ZNF280D: variants seen among roughly 807,000 people sequenced by gnomAD.
ZNF280D encodes the protein zinc finger protein 280D, also known as suppressor of hairy wing homolog 4.
A neutral mutation model predicts 94.7 loss-of-function variants in ZNF280D; 39 were observed. The ratio of observed to expected loss-of-function variants is 0.41; its 90% confidence interval spans 0.32 to 0.54. The LOEUF is 0.54. ZNF280D is among the 20% of genes least tolerant of loss of function. ZNF280D has a pLI of 0.22. For missense variants in ZNF280D, 1,090 were observed against 1,149.3 expected, an observed-to-expected ratio of 0.95 and a Z score of 0.75; for synonymous variants, 398 against 377.6, an observed-to-expected ratio of 1.05 and a Z score of -0.63.
intron 13 of ZNF280D, among the ~76,000 whole-genome samples, chr15:56,674,731 T>C (rs1248336087): frequency 6.6e-6 from 1 of 152,130 alleles, no homozygotes; most frequent in Non-Finnish European, 1.5e-5. Context: ...AAGTAATTAG[T>C]GTATGTTAAC....
At chr15:56,640,931 T>C (rs1463267660) in intron 20 of ZNF280D, among the ~76,000 whole-genome samples, 3 of 152,142 alleles carry the variant, frequency 2.0e-5, no homozygotes, top group Non-Finnish European at 4.4e-5. Flanking sequence ...AAGTGCAAAC[T>C]TAGTGGCTCG....
intron 16 of ZNF280D, among the ~76,000 whole-genome samples, chr15:56,658,863 T>G (rs1449624977): frequency 6.6e-6 from 1 of 152,186 alleles, no homozygotes; most frequent in East Asian, 1.9e-4. Flanking sequence ...AAGTTATTAA[T>G]AGTAATTCTT....
rs763498283 is a variant in ZNF280D, at chr15:56,707,123, T to C, written c.-14A>G. On this transcript the variant is annotated 5_prime_UTR_variant, in exon 3 of 22. Coordinates refer to ENST00000267807, the MANE Select transcript of ZNF280D (RefSeq NM_017661.4). ...GTTGTCGCCCATCAAGCTGCAGAGATGACTTTCTGTAAATTGTCACCTAAG... is the reference window on the plus strand; with the variant it reads ...GTTGTCGCCCATCAAGCTGCAGAGACGACTTTCTGTAAATTGTCACCTAAG... The C allele has an allele frequency of 2.5e-6, 4 of 1,613,910 alleles. No individual in the cohort carries two copies. Among genetic ancestry groups the C allele is most frequent in the Middle Eastern group, 1.7e-4 (1 of 6,058 alleles).
At chr15:56,635,888 T>G (rs1461440779) in intron 20 of ZNF280D, 1 of 152,174 alleles carries the variant, frequency 6.6e-6, no homozygotes, top group Non-Finnish European at 1.5e-5. Flanking sequence ...TTAAGAACTT[T>G]ACATGCACTA....
intron 11 of ZNF280D, 37 bp from the exon 12 acceptor site, chr15:56,677,711 G>C: frequency 1.2e-6 from 1 of 855,272 alleles, no homozygotes; most frequent in Non-Finnish European, 1.6e-6. Context: ...TAATATTTAA[G>C]ATATTAATAT....
In ZNF280D at chr15:56,668,877, G is replaced by A. The variant is rs375461095; in HGVS notation, c.1491C>T (p.His497=). 1.2e-6 allele frequency: 2 copies of A among 1,611,862 alleles called. No individual in the cohort carries two copies. The highest frequency in any genetic ancestry group is 1.7e-6 in the Non-Finnish European group (2 of 1,178,886). Residue 497 remains histidine, a synonymous_variant, in exon 14 of 22, where the codon CAC becomes CAT. Transcript: ENST00000267807. The part of the protein sequence containing the change: ...CKEKMDHKTQ[H]HRTFIKPKQL... ...GTTTAGGTTTTATAAATGTTCGATG[G>A]TGTTGAGTCTTATGATCCATTTTCT...
intron 9 of ZNF280D, among the ~76,000 whole-genome samples, chr15:56,686,679 T>C (rs1442342523): frequency 2.0e-5 from 3 of 152,162 alleles, no homozygotes; most frequent in Admixed American, 6.5e-5. Context: ...AAAGGAGAAG[T>C]AATATACCTA....
chr15:56,702,023 C>A (rs372469013), intron 4 of ZNF280D, among the ~76,000 whole-genome samples: 110 of 128,514 alleles, frequency 8.6e-4, no homozygotes, highest in South Asian at 1.3e-3. Context: ...AAAAAGCACC[C>A]AAAAAAAAAA....
intron 5 of ZNF280D, 23 bp from the exon 6 acceptor site, chr15:56,701,095 A>G: frequency 1.2e-6 from 2 of 1,612,976 alleles, no homozygotes; most frequent in Non-Finnish European, 1.7e-6. Context: ...GTAACACAAT[A>G]TATGGAAATT....
intron 7 of ZNF280D, 55 bp from the exon 8 acceptor site, chr15:56,689,525 C>T (rs1352984233): frequency 1.9e-6 from 2 of 1,078,882 alleles, no homozygotes; most frequent in Admixed American, 3.4e-5. Flanking sequence ...ATATTATTTA[C>T]ATCTGAGTAA....
intron 1 of ZNF280D, among the ~76,000 whole-genome samples, chr15:56,714,947 TA>T (rs1223001592): frequency 2.6e-5 from 4 of 152,104 alleles, no homozygotes; most frequent in Admixed American, 1.3e-4. Context: ...AGTTACCTAT[TA>T]GGGGGATTAT....
At chr15:56,709,451 C>T (rs1355858582) in intron 1 of ZNF280D, among the ~76,000 whole-genome samples, 3 of 152,012 alleles carry the variant, frequency 2.0e-5, no homozygotes, top group Admixed American at 6.6e-5. Context: ...GACAGTGTGG[C>T]GATTCCTCAA....
rs528464434 is a variant in ZNF280D at position 56,641,442 on chromosome 15, A to G, written c.2259+1510T>C. Reference sequence around the variant, plus strand: ...GTCATTTGATATTATATCTTTTAATATTTGATAATCATCTTTAATTTGTGT... The same window carrying G: ...GTCATTTGATATTATATCTTTTAATGTTTGATAATCATCTTTAATTTGTGT... On this transcript the variant is annotated intron_variant, in intron 20 of 21. Coordinates refer to ENST00000267807, the MANE Select transcript of ZNF280D (RefSeq NM_017661.4). Among the ~76,000 whole-genome samples the G allele has an allele frequency of 9.9e-5, 15 of 152,100 alleles. No homozygotes were observed. The South Asian group carries it at 3.1e-3, about 32-fold the overall frequency.
At chr15:56,690,702 G>C (rs1277477305) in intron 7 of ZNF280D, among the ~76,000 whole-genome samples, 6 of 152,000 alleles carry the variant, frequency 3.9e-5, no homozygotes, top group Non-Finnish European at 8.8e-5. Context: ...AAAAAGGCTC[G>C]GAAAAGTTTT....
At chr15:56,658,973 T>C (rs1352000857) in intron 16 of ZNF280D, among the ~76,000 whole-genome samples, 3 of 152,070 alleles carry the variant, frequency 2.0e-5, no homozygotes, top group African/African-American at 4.8e-5. Context: ...TGCCACTGTT[T>C]ACCATCTGTA....
At chr15:56,634,457 C>A (rs1369059312) in intron 21 of ZNF280D, among the ~76,000 whole-genome samples, 1 of 151,916 alleles carries the variant, frequency 6.6e-6, no homozygotes, top group Non-Finnish European at 1.5e-5. Flanking sequence ...ACAAAAAATT[C>A]AAGGTGAAGA....
chr15:56,632,769 A>T (rs2052146680), intron 21 of ZNF280D, among the ~76,000 whole-genome samples: 1 of 152,066 alleles, frequency 6.6e-6, no homozygotes, highest in Admixed American at 6.6e-5. Flanking sequence ...GATTACAGGT[A>T]TGAGCCACCA....
chr15:56,632,166 T>G, intron 21 of ZNF280D, 44 bp from the exon 22 acceptor site: 1 of 1,448,534 alleles, frequency 6.9e-7, no homozygotes, highest in Non-Finnish European at 9.2e-7. Flanking sequence ...CATAAAGCAA[T>G]GTTTTTGAAC....
intron 1 of ZNF280D, among the ~76,000 whole-genome samples, chr15:56,728,907 C>T (rs1183343326): frequency 6.6e-6 from 1 of 152,088 alleles, no homozygotes; most frequent in Admixed American, 6.5e-5. Context: ...ATGTTCTGTG[C>T]ATATTTGAGG....
Sources: gnomAD v4.1 joint callset for allele counts (sites outside exome capture counted in the v4.1 genomes callset) on GRCh38, gnomAD v4.1.1 for gene constraint, MANE v1.5 for transcripts, NCBI Gene and HGNC (gene_info 2026-07-23, HGNC 2026-07-21) for gene names.